TMEM140: variants seen among roughly 807,000 people sequenced by gnomAD.
TMEM140 encodes the protein transmembrane protein 140.
For synonymous variants in TMEM140, 107 were observed against 106.8 expected (o/e 1.00, Z -0.01); for missense variants, 236 against 228.5 (o/e 1.03, Z -0.21).
chr7:135,165,131 CCT>C lies in TMEM140; in HGVS notation c.*133_*134del. The stretch of plus-strand genomic sequence containing the variant: ...AACCCACTACAGAGGAGGTGGGGCC[CCT>C]GTGTCAAAGAGGCCGAGGGGCAGCA... On this transcript the variant is annotated 3_prime_UTR_variant, in exon 2 of 2. Coordinates refer to ENST00000275767, the MANE Select transcript of TMEM140 (RefSeq NM_018295.5). The C allele has an allele frequency of 8.5e-7, 1 of 1,178,718 alleles. No homozygotes were observed. Among genetic ancestry groups the C allele is most frequent in the Non-Finnish European group, 1.2e-6 (1 of 856,512 alleles). The allele number at this position is 1,178,718 out of a possible 1,614,324, so 73.0% of individuals were successfully genotyped here.
chr7:135,154,943 A>T (rs1829753776), intron 1 of TMEM140, among the ~76,000 whole-genome samples: 1 of 152,156 alleles, frequency 6.6e-6, no homozygotes, highest in Non-Finnish European at 1.5e-5. Flanking sequence ...GAGTGTTAAA[A>T]GTCCCCTACA....
Position 135,148,270 on chromosome 7 carries a change from T to G in TMEM140, c.-25T>G. On this transcript the variant is annotated splice_region_variant and 5_prime_UTR_variant, in exon 1 of 2. Transcript: ENST00000275767. ...TCCTGTGGTCTCTGCACCTCCTTTC[T>G]GTAAGTACCGATCCTGCAAGCATCA... 2.7e-6 allele frequency: 1 copy of G among 365,568 alleles called. No individual in the cohort carries two copies. Among genetic ancestry groups the G allele is most frequent in the South Asian group, 2.1e-5 (1 of 48,224 alleles). The allele number at this position is 365,568 out of a possible 1,614,324, so 22.6% of individuals were successfully genotyped here. A position where few individuals can be genotyped will look rare whatever the true frequency, so the allele number is the denominator to read the frequency against.
At position 135,165,083 on chromosome 7, in the gene TMEM140, C is replaced by A; in HGVS notation, c.*84C>A. 6.9e-7 allele frequency: 1 copy of A among 1,458,334 alleles called. No homozygotes were observed. Among genetic ancestry groups the A allele is most frequent in the Non-Finnish European group, 9.2e-7 (1 of 1,086,282 alleles). 90.3% of individuals were successfully genotyped at this position (1,458,334 alleles called of 1,614,324 possible). A position where few individuals can be genotyped will look rare whatever the true frequency, so the allele number is the denominator to read the frequency against. ...CAGCCATCTCATTTTACAGCTAACG[C>A]TGATCTCCAGCTCCAGCGATGGAAC... On this transcript the variant is annotated 3_prime_UTR_variant, in exon 2 of 2. Coordinates refer to ENST00000275767, the MANE Select transcript of TMEM140 (RefSeq NM_018295.5).
chr7:135,160,195 G>T (rs1468015655), intron 1 of TMEM140, among the ~76,000 whole-genome samples: 4 of 152,214 alleles, frequency 2.6e-5, no homozygotes, highest in African/African-American at 9.6e-5. Context: ...ACGACCTGAA[G>T]TATAGATGAC....
At chr7:135,152,329 G>A (rs1442599369) in intron 1 of TMEM140, among the ~76,000 whole-genome samples, 1 of 152,202 alleles carries the variant, frequency 6.6e-6, no homozygotes, top group African/African-American at 2.4e-5. Flanking sequence ...TCCACACAAG[G>A]GTGTTGTGAA....
chr7:135,152,099 C>T (rs1829678370), intron 1 of TMEM140, among the ~76,000 whole-genome samples: 1 of 152,214 alleles, frequency 6.6e-6, no homozygotes, highest in Non-Finnish European at 1.5e-5. Flanking sequence ...GCACAAATTA[C>T]TTCATTTAAT....
At chr7:135,150,627 A>T (rs1167998116) in intron 1 of TMEM140, among the ~76,000 whole-genome samples, 2 of 152,246 alleles carry the variant, frequency 1.3e-5, no homozygotes, top group Admixed American at 6.5e-5. Context: ...AGCCAAAGGC[A>T]GTCACCAGTT....
At chr7:135,160,735 TA>T (rs11295955) in intron 1 of TMEM140, among the ~76,000 whole-genome samples, 26 of 145,340 alleles carry the variant, frequency 1.8e-4, no homozygotes, top group South Asian at 2.1e-4. Flanking sequence ...TTCGCTCATT[TA>T]AAAAAAAAAA....
rs893342236 is a variant in TMEM140, at chr7:135,164,467, G to A, written c.26G>A (p.Arg9His). 6 of 1,599,432 alleles carry A rather than the reference G, an allele frequency of 3.8e-6. No homozygotes were observed. Among genetic ancestry groups the A allele is most frequent in the East Asian group, 2.3e-5 (1 of 44,374 alleles). Residue 9 changes from arginine to histidine, a missense_variant, in exon 2 of 2, where the codon CGC (arginine) becomes CAC (histidine). Physicochemically the swap from Arg to His is conservative, Grantham distance 29. Coordinates refer to ENST00000275767, the MANE Select transcript of TMEM140 (RefSeq NM_018295.5). The part of the protein sequence containing the change: MAGPRPRW[R>H]DQLLFMSIIV... ...ATGGCCGGCCCAAGGCCTCGGTGGCGCGACCAGCTGCTGTTCATGAGCATC... is the reference window on the plus strand; with the variant it reads ...ATGGCCGGCCCAAGGCCTCGGTGGCACGACCAGCTGCTGTTCATGAGCATC...
rs201469043 is a variant in TMEM140, at chr7:135,165,016, A to G, written c.*17A>G. 311 of 1,557,776 alleles carry G rather than the reference A, an allele frequency of 2.0e-4. No individual in the cohort carries two copies. The African/African-American group carries it at 3.9e-3, about 20-fold the overall frequency. On this transcript the variant is annotated 3_prime_UTR_variant, in exon 2 of 2. Coordinates refer to ENST00000275767, the MANE Select transcript of TMEM140 (RefSeq NM_018295.5). ...AGCTGCTAAAGGCTTACGTGATTGC[A>G]AGGGTTCAGTTCCAACCATGGTCAG...
intron 1 of TMEM140, among the ~76,000 whole-genome samples, chr7:135,156,828 T>A (rs1223888574): frequency 1.3e-5 from 2 of 152,188 alleles, no homozygotes; most frequent in Non-Finnish European, 2.9e-5. Flanking sequence ...CTCCCATAAT[T>A]CCCACATGTT....
At chr7:135,164,379 C>T in intron 1 of TMEM140, 39 bp from the exon 2 acceptor site, 6 of 1,486,196 alleles carry the variant, frequency 4.0e-6, no homozygotes, top group Non-Finnish European at 5.5e-6. Context: ...AGGGAACAAG[C>T]AAGGGAGAGA....
chr7:135,148,225 C>A lies in TMEM140; in HGVS notation c.-70C>A. 1 of 411,980 alleles carries A rather than the reference C, an allele frequency of 2.4e-6. No individual in the cohort carries two copies. The allele number at this position is 411,980 out of a possible 1,614,324, so 25.5% of individuals were successfully genotyped here. ...TCAAACAACCAACCCTGATTTCCTG[C>A]TTCTCCTTTTCATGAGTGTTCCTGT... On this transcript the variant is annotated 5_prime_UTR_variant, in exon 1 of 2. Coordinates refer to ENST00000275767, the MANE Select transcript of TMEM140 (RefSeq NM_018295.5).
intron 1 of TMEM140, among the ~76,000 whole-genome samples, chr7:135,158,573 A>G (rs1829851196): frequency 6.6e-6 from 1 of 152,104 alleles, no homozygotes; most frequent in Non-Finnish European, 1.5e-5. Context: ...ATCCTTCCTT[A>G]GCCAAGAGGC....
In TMEM140 at chr7:135,164,918, C is replaced by A; in HGVS notation, c.477C>A (p.Ala159=). ...PGFLALGSAQ[A]LLILLLIAMA... ...TTCTAGCTCTGGGCAGCGCCCAGGC[C>A]TTACTCATCCTCTTGCTTATAGCCA... Residue 159 remains alanine, a synonymous_variant, in exon 2 of 2, where the codon GCC becomes GCA. Transcript: ENST00000275767. 6.2e-7 allele frequency: 1 copy of A among 1,614,144 alleles called. No homozygotes were observed. Among genetic ancestry groups the A allele is most frequent in the South Asian group, 1.1e-5 (1 of 91,074 alleles).
Position 135,164,403 on chromosome 7 carries a change from G to A in TMEM140, c.-24-15G>A. ...GCAAGGGAGAGATGGACTGACTGCT[G>A]TGACTTCCCCGCAGGTCCCCCGGCA... On this transcript the variant is annotated splice_polypyrimidine_tract_variant and intron_variant, in intron 1 of 1. Coordinates refer to ENST00000275767, the MANE Select transcript of TMEM140 (RefSeq NM_018295.5). 3 of 1,568,032 alleles carry A rather than the reference G, an allele frequency of 1.9e-6. No homozygotes were observed. Among genetic ancestry groups the A allele is most frequent in the Non-Finnish European group, 2.6e-6 (3 of 1,146,780 alleles).
At chr7:135,162,212 C>T (rs1829959565) in intron 1 of TMEM140, among the ~76,000 whole-genome samples, 1 of 152,168 alleles carries the variant, frequency 6.6e-6, no homozygotes, top group African/African-American at 2.4e-5. Flanking sequence ...GGAGCTGTTC[C>T]CCCAGAGGGG....
At chr7:135,153,546 G>C (rs1027862836) in intron 1 of TMEM140, among the ~76,000 whole-genome samples, 7 of 151,980 alleles carry the variant, frequency 4.6e-5, no homozygotes, top group Non-Finnish European at 7.4e-5. Context: ...TACATTGTTG[G>C]TGGGAATGTA....
chr7:135,156,017 G>T (rs1829782949), intron 1 of TMEM140, among the ~76,000 whole-genome samples: 1 of 147,816 alleles, frequency 6.8e-6, no homozygotes, highest in South Asian at 2.3e-4. Flanking sequence ...AAAATTCTTG[G>T]CTGACAGACA....
Sources: gnomAD v4.1 joint callset for allele counts (sites outside exome capture counted in the v4.1 genomes callset) on GRCh38, gnomAD v4.1.1 for gene constraint, MANE v1.5 for transcripts, NCBI Gene and HGNC (gene_info 2026-07-23, HGNC 2026-07-21) for gene names.